The following NCKAP5 variants were observed in gnomAD, a reference collection of about 807,000 sequenced individuals.
NCKAP5 encodes nck-associated protein 5.
A neutral mutation model predicts 167.0 loss-of-function variants in NCKAP5; 92 were observed. The observed-to-expected ratio is 0.55, with a 90% CI of 0.47 to 0.66. The LOEUF is 0.66. NCKAP5 is among the 30% of genes least tolerant of loss of function. The pLI is 0.00. For missense variants in NCKAP5, 2,378 were observed against 2,315.0 expected (o/e 1.03, Z -0.56); for synonymous variants, 891 against 877.4 (o/e 1.02, Z -0.27).
At chr2:132,788,418 A>G (rs781375452) in intron 13 of NCKAP5, among the ~76,000 whole-genome samples, 7 of 152,184 alleles carry the variant, frequency 4.6e-5, no homozygotes, top group Admixed American at 2.0e-4. Flanking sequence ...CTGATTCAAC[A>G]AGGCCAGTAT....
chr2:133,563,296 C>T (rs1019973794), intron 1 of NCKAP5, among the ~76,000 whole-genome samples: 19 of 152,234 alleles, frequency 1.2e-4, no homozygotes, highest in African/African-American at 3.6e-4. Context: ...TCTGGCCGGG[C>T]GCAGTGGCTC....
intron 8 of NCKAP5, among the ~76,000 whole-genome samples, chr2:132,952,990 AGG>A (rs2076234648): frequency 6.6e-6 from 1 of 152,314 alleles, no homozygotes; most frequent in East Asian, 1.9e-4. Flanking sequence ...AACTGATTAG[AGG>A]CTTGCTGAGG....
chr2:133,618,719 A>G, the NCKAP5 span, among the ~76,000 whole-genome samples: 4 of 151,716 alleles, frequency 2.6e-5, no homozygotes, highest in Non-Finnish European at 4.4e-5. Context: ...ACTGTAAACT[A>G]GTTCAACCAT....
At chr2:132,715,715 C>A (rs756177173) in intron 19 of NCKAP5, among the ~76,000 whole-genome samples, 3 of 152,114 alleles carry the variant, frequency 2.0e-5, no homozygotes, top group Non-Finnish European at 4.4e-5. Context: ...ACAAAGACAC[C>A]GTGGAGGGAT....
At chr2:132,979,262 A>G (rs181598092) in intron 7 of NCKAP5, among the ~76,000 whole-genome samples, 84 of 152,288 alleles carry the variant, frequency 5.5e-4, no homozygotes, top group South Asian at 3.3e-3. Flanking sequence ...CATTTAGGCC[A>G]TAATGTCCTC....
At chr2:133,350,448 T>C (rs1684283115) in intron 3 of NCKAP5, among the ~76,000 whole-genome samples, 1 of 152,080 alleles carries the variant, frequency 6.6e-6, no homozygotes, top group African/African-American at 2.4e-5. Flanking sequence ...TAAATAGATA[T>C]GAAACCTGAC....
At chr2:132,695,751 C>T (rs1031828758) in intron 19 of NCKAP5, among the ~76,000 whole-genome samples, 8 of 152,170 alleles carry the variant, frequency 5.3e-5, no homozygotes, top group African/African-American at 1.7e-4. Context: ...TTACCTCCAG[C>T]TCAGCCACCA....
At chr2:133,609,170 T>C in the NCKAP5 span, among the ~76,000 whole-genome samples, 1 of 152,230 alleles carries the variant, frequency 6.6e-6, no homozygotes, top group Admixed American at 6.5e-5. Context: ...TTTGTGTGTA[T>C]TTTTAATGTA....
At chr2:133,093,407 C>A (rs569180270) in intron 6 of NCKAP5, among the ~76,000 whole-genome samples, 1 of 152,260 alleles carries the variant, frequency 6.6e-6, no homozygotes, top group African/African-American at 2.4e-5. Context: ...ACTTATGTTG[C>A]CTGAATTTGT....
chr2:133,558,468 G>A (rs1687905765), intron 2 of NCKAP5, among the ~76,000 whole-genome samples: 1 of 151,946 alleles, frequency 6.6e-6, no homozygotes, highest in African/African-American at 2.4e-5. Flanking sequence ...ATGTGAAAGA[G>A]GAAGGGAGCA....
chr2:133,112,093 A>T (rs777248660), intron 6 of NCKAP5, among the ~76,000 whole-genome samples: 1 of 152,210 alleles, frequency 6.6e-6, no homozygotes, highest in Non-Finnish European at 1.5e-5. Context: ...AAAAAACATG[A>T]AACTTTACAA....
chr2:133,430,562 T>C (rs764792206), intron 3 of NCKAP5, among the ~76,000 whole-genome samples: 12 of 152,058 alleles, frequency 7.9e-5, no homozygotes, highest in Non-Finnish European at 1.2e-4. Context: ...TGATGAGAGG[T>C]AGGGGTCCAG....
chr2:132,801,202 CT>C (rs1685005920), intron 11 of NCKAP5, among the ~76,000 whole-genome samples: 1 of 151,906 alleles, frequency 6.6e-6, no homozygotes, highest in South Asian at 2.1e-4. Context: ...AGGAGTTTGG[CT>C]TCTTTAATTC....
Position 133,476,302 on chromosome 2 carries a change from A to C in NCKAP5, c.69+41156T>G, listed in dbSNP as rs550693271. Among the ~76,000 whole-genome samples the C allele has an allele frequency of 4.6e-5, 7 of 152,356 alleles. No homozygotes were observed. In the East Asian group the frequency reaches 1.3e-3, roughly 29 times the overall value. On this transcript the variant is annotated intron_variant, in intron 3 of 19. Coordinates refer to ENST00000409261, the MANE Select transcript of NCKAP5 (RefSeq NM_207363.3). Reference sequence around the variant, plus strand: ...GGTTGCCTTTCATCTTTTACTAAGCATTAAAGCATTGAGGAAAGGAAAAAA... The same window carrying C: ...GGTTGCCTTTCATCTTTTACTAAGCCTTAAAGCATTGAGGAAAGGAAAAAA...
intron 3 of NCKAP5, among the ~76,000 whole-genome samples, chr2:133,497,088 A>AACTGAGC (rs1208604635): frequency 6.6e-6 from 1 of 152,190 alleles, no homozygotes; most frequent in Non-Finnish European, 1.5e-5. Flanking sequence ...TTCCCATGGA[A>AACTGAGC]ACTGAGCACT....
chr2:132,837,170 T>TTGG (rs1197021711), intron 11 of NCKAP5, among the ~76,000 whole-genome samples: 1 of 152,196 alleles, frequency 6.6e-6, no homozygotes, highest in Non-Finnish European at 1.5e-5. Flanking sequence ...GTCCTGTAGC[T>TTGG]GTCCCCACCC....
At chr2:133,132,481 GCACACACACA>G (rs373384379) in intron 5 of NCKAP5, among the ~76,000 whole-genome samples, 53 of 130,056 alleles carry the variant, frequency 4.1e-4, no homozygotes, top group Middle Eastern at 8.3e-3. Context: ...GAAAAAAAAA[GCACACACACA>G]CACACACACA....
At chr2:132,810,257 G>T (rs1325054296) in intron 11 of NCKAP5, among the ~76,000 whole-genome samples, 1 of 152,200 alleles carries the variant, frequency 6.6e-6, no homozygotes, top group African/African-American at 2.4e-5. Flanking sequence ...CCTAGGCAAA[G>T]ATCATTTTGT....
chr2:133,223,747 T>C (rs966592299), intron 4 of NCKAP5, among the ~76,000 whole-genome samples: 1 of 152,218 alleles, frequency 6.6e-6, no homozygotes, highest in African/African-American at 2.4e-5. Flanking sequence ...TCGGTAAGTT[T>C]AGAGCGTGTT....
Sources: gnomAD v4.1 joint callset for allele counts (sites outside exome capture counted in the v4.1 genomes callset) on GRCh38, gnomAD v4.1.1 for gene constraint, MANE v1.5 for transcripts, NCBI Gene and HGNC (gene_info 2026-07-23, HGNC 2026-07-21) for gene names.